SEMA6D: variants seen among roughly 807,000 people sequenced by gnomAD.
The protein encoded by SEMA6D is semaphorin 6D.
Under a neutral mutation model 106.6 loss-of-function variants are expected in SEMA6D, and 35 were observed. That is an observed-to-expected ratio of 0.33 (90% CI 0.25 to 0.44). SEMA6D has a LOEUF of 0.44. SEMA6D is among the 20% of genes least tolerant of loss of function. The pLI, the probability that SEMA6D is intolerant of heterozygous loss-of-function variation, is 1.00. For synonymous variants in SEMA6D, 499 were observed against 487.7 expected, an observed-to-expected ratio of 1.02 and a Z score of -0.31; for missense variants, 1,185 against 1,345.9, an observed-to-expected ratio of 0.88 and a Z score of 1.87.
intron 4 of SEMA6D, among the ~76,000 whole-genome samples, chr15:47,663,436 C>G (rs1388124285): frequency 6.6e-6 from 1 of 152,158 alleles, no homozygotes; most frequent in Non-Finnish European, 1.5e-5. Flanking sequence ...TTGGATTGAT[C>G]TCTGAAGTAA....
chr15:47,509,320 A>G (rs2044148865), intron 3 of SEMA6D, among the ~76,000 whole-genome samples: 1 of 152,336 alleles, frequency 6.6e-6, no homozygotes, highest in Middle Eastern at 3.4e-3. Context: ...GATAAACTCC[A>G]GAAGCATATG....
intron 3 of SEMA6D, among the ~76,000 whole-genome samples, chr15:47,593,468 T>C (rs2076479626): frequency 7.1e-6 from 1 of 140,328 alleles, no homozygotes; most frequent in African/African-American, 2.6e-5. Context: ...GAGAATTACA[T>C]GAAAATTTCT....
chr15:47,555,083 C>A (rs1484833013), intron 3 of SEMA6D, among the ~76,000 whole-genome samples: 1 of 152,112 alleles, frequency 6.6e-6, no homozygotes, highest in Non-Finnish European at 1.5e-5. Context: ...AATGGATATA[C>A]CAATCATATG....
At chr15:47,479,149 C>T (rs745994075) in intron 3 of SEMA6D, among the ~76,000 whole-genome samples, 1 of 152,116 alleles carries the variant, frequency 6.6e-6, no homozygotes, top group Non-Finnish European at 1.5e-5. Flanking sequence ...ATTCTTCATC[C>T]TTGCTTGGTC....
At chr15:47,577,160 G>A (rs566046279) in intron 3 of SEMA6D, among the ~76,000 whole-genome samples, 2 of 152,290 alleles carry the variant, frequency 1.3e-5, no homozygotes, top group Non-Finnish European at 2.9e-5. Context: ...AATCTTCATA[G>A]CAGAAAGTCA....
At chr15:47,393,849 A>C (rs959337671) in intron 1 of SEMA6D, among the ~76,000 whole-genome samples, 3 of 152,248 alleles carry the variant, frequency 2.0e-5, no homozygotes, top group Non-Finnish European at 4.4e-5. Flanking sequence ...TCTGTTTTTG[A>C]AGATGAACAT....
chr15:47,414,930 C>A (rs1241284760), intron 2 of SEMA6D, among the ~76,000 whole-genome samples: 1 of 152,088 alleles, frequency 6.6e-6, no homozygotes, highest in Non-Finnish European at 1.5e-5. Flanking sequence ...TCTTAAATGG[C>A]AGGCCTTAGT....
intron 4 of SEMA6D, among the ~76,000 whole-genome samples, chr15:47,642,762 GA>G (rs1566954781): frequency 6.6e-6 from 1 of 152,152 alleles, no homozygotes; most frequent in African/African-American, 2.4e-5. Flanking sequence ...GGCCATCTCC[GA>G]AAGGGCAGGA....
intron 4 of SEMA6D, among the ~76,000 whole-genome samples, chr15:47,638,345 C>T (rs915738976): frequency 2.0e-5 from 3 of 152,120 alleles, no homozygotes; most frequent in Admixed American, 6.6e-5. Context: ...CTTCCAATGA[C>T]AAGCACGGTA....
At chr15:47,218,469 C>G (rs1208394181) in intron 1 of SEMA6D, among the ~76,000 whole-genome samples, 3 of 152,156 alleles carry the variant, frequency 2.0e-5, no homozygotes, top group East Asian at 3.9e-4. Context: ...AAGTGACTCA[C>G]ACATTAAGTT....
At chr15:47,415,735 G>C (rs958249217) in intron 2 of SEMA6D, among the ~76,000 whole-genome samples, 1 of 152,102 alleles carries the variant, frequency 6.6e-6, no homozygotes, top group African/African-American at 2.4e-5. Flanking sequence ...AGTTGGGGGT[G>C]GGGGGAAATG....
At chr15:47,512,894 A>G (rs1278237599) in intron 3 of SEMA6D, among the ~76,000 whole-genome samples, 1 of 152,196 alleles carries the variant, frequency 6.6e-6, no homozygotes, top group Non-Finnish European at 1.5e-5. Context: ...GGCAGGGATT[A>G]GTCTATAGAT....
intron 4 of SEMA6D, among the ~76,000 whole-genome samples, chr15:47,623,195 A>G (rs753714985): frequency 2.0e-5 from 3 of 152,206 alleles, no homozygotes; most frequent in Non-Finnish European, 4.4e-5. Flanking sequence ...GCCCCTCACC[A>G]TGCTGGTCCT....
Position 47,761,713 on chromosome 15 carries a change from C to A in SEMA6D, c.500C>A (p.Pro167Gln). The change falls in exon 7 of 19, where the codon CCA becomes CAA. Residue 167 changes from proline to glutamine, a missense_variant. Coordinates refer to ENST00000536845, the MANE Select transcript of SEMA6D (RefSeq NM_001358351.3). ...GEEISGLARC[P>Q]FDARQTNVAL... The stretch of plus-strand genomic sequence containing the variant: ...GAAATTAGTGGCCTGGCAAGATGCC[C>A]ATTTGATGCCAGACAAACCAATGTT... The A allele has an allele frequency of 6.2e-7, 1 of 1,613,350 alleles. No homozygotes were observed. The highest frequency in any genetic ancestry group is 8.5e-7 in the Non-Finnish European group (1 of 1,179,608).
intron 1 of SEMA6D, among the ~76,000 whole-genome samples, chr15:47,337,425 G>A (rs1448687110): frequency 7.2e-5 from 11 of 152,194 alleles, no homozygotes; most frequent in Non-Finnish European, 2.9e-5. Context: ...AACCCTGAGG[G>A]CTACAAATGG....
intron 15 of SEMA6D, 34 bp from the exon 16 acceptor site, chr15:47,766,582 T>C: frequency 1.2e-6 from 2 of 1,610,846 alleles, no homozygotes; most frequent in East Asian, 4.5e-5. Flanking sequence ...TGAAGGCTGT[T>C]AACCGAAGAC....
chr15:47,532,969 A>T (rs1284554944), intron 3 of SEMA6D, among the ~76,000 whole-genome samples: 1 of 152,170 alleles, frequency 6.6e-6, no homozygotes, highest in East Asian at 1.9e-4. Context: ...ATTGATGATG[A>T]TGATCATGAT....
chr15:47,536,978 A>G (rs1444353076), intron 3 of SEMA6D, among the ~76,000 whole-genome samples: 1 of 152,228 alleles, frequency 6.6e-6, no homozygotes, highest in Non-Finnish European at 1.5e-5. Flanking sequence ...AATTAAGAAA[A>G]CATCAGTGTG....
intron 1 of SEMA6D, among the ~76,000 whole-genome samples, chr15:47,740,948 C>A (rs1412283166): frequency 1.3e-5 from 2 of 152,188 alleles, no homozygotes; most frequent in African/African-American, 2.4e-5. Context: ...CTGCATGAAT[C>A]TTCTCAATTA....
Sources: allele counts gnomAD v4.1 joint callset (sites outside exome capture counted in the v4.1 genomes callset), GRCh38; gene constraint gnomAD v4.1.1; transcripts MANE v1.5; gene names NCBI Gene and HGNC (gene_info 2026-07-23, HGNC 2026-07-21).